ABCD2: variants seen among roughly 807,000 people sequenced by gnomAD.
ABCD2 encodes the protein ATP binding cassette subfamily D member 2.
In ABCD2, 36 loss-of-function variants were observed where a neutral mutation model predicts 70.9. The ratio of observed to expected loss-of-function variants is 0.51; its 90% confidence interval spans 0.39 to 0.67. The LOEUF (loss-of-function observed/expected upper bound fraction) is 0.67, where lower values mean the gene tolerates loss of function less well. Ranked by LOEUF, ABCD2 falls within the 30% of genes least tolerant of loss-of-function variation. The pLI is 0.00. For synonymous variants in ABCD2, 304 were observed against 306.9 expected (o/e 0.99, Z 0.10); for missense variants, 729 against 890.2 (o/e 0.82, Z 2.30).
chr12:39,539,318 C>T, the ABCD2 span, among the ~76,000 whole-genome samples: 1 of 152,180 alleles, frequency 6.6e-6, no homozygotes, highest in African/African-American at 2.4e-5. Flanking sequence ...TTGGCAGGAG[C>T]TTTTGCCAGG....
rs1282925824 is a variant in ABCD2, at chr12:39,604,751, G to T, written c.1405+11C>A. On this transcript the variant is annotated intron_variant, in intron 4 of 9. Coordinates refer to ENST00000308666, the MANE Select transcript of ABCD2 (RefSeq NM_005164.4). ...AATATAGGAAAATATAAAAGCACTT[G>T]AGTTTAATACCTTTAATTGCCAATG... 1.3e-6 allele frequency: 2 copies of T among 1,552,586 alleles called. No homozygotes were observed. The highest frequency in any genetic ancestry group is 1.7e-6 in the Non-Finnish European group (2 of 1,154,844).
rs527401655 is a variant in ABCD2, at chr12:39,564,141, C to T, written c.2003+9575G>A. ...GATTTATAATCCTTTGTGTATATAC[C>T]CAGTAATGGGATGGCTGGGTCAAAT... On this transcript the variant is annotated intron_variant, in intron 9 of 9. Coordinates refer to ENST00000308666, the MANE Select transcript of ABCD2 (RefSeq NM_005164.4). Among the ~76,000 whole-genome samples the T allele has an allele frequency of 6.6e-5, 10 of 152,098 alleles. No homozygotes were observed. The South Asian group carries it at 8.3e-4, about 13-fold the overall frequency.
intron 9 of ABCD2, among the ~76,000 whole-genome samples, chr12:39,560,590 G>A (rs922832619): frequency 9.2e-5 from 14 of 152,082 alleles, no homozygotes; most frequent in South Asian, 6.2e-4. Flanking sequence ...GAGATGAAGG[G>A]TAAAGGTTGT....
chr12:39,566,088 C>G (rs1346609167), intron 9 of ABCD2, among the ~76,000 whole-genome samples: 2 of 152,054 alleles, frequency 1.3e-5, no homozygotes, highest in Non-Finnish European at 2.9e-5. Context: ...GTCTAAAATT[C>G]TCTTTTTTTG....
chr12:39,537,019 C>T, the ABCD2 span, among the ~76,000 whole-genome samples: 9 of 152,042 alleles, frequency 5.9e-5, no homozygotes, highest in South Asian at 2.1e-4. Context: ...TGCTTCAGGC[C>T]GCTCTCTCTT....
In ABCD2 at chr12:39,604,724, TA is replaced by T. The variant is rs779592226; in HGVS notation, c.1405+37del. ...AACTTTGGTTCTGTTGATAAATACTTAAATATAGGAAAATATAAAAGCACTT... is the reference window on the plus strand; with the variant it reads ...AACTTTGGTTCTGTTGATAAATACTTAATATAGGAAAATATAAAAGCACTT... On this transcript the variant is annotated intron_variant, in intron 4 of 9. Coordinates refer to ENST00000308666, the MANE Select transcript of ABCD2 (RefSeq NM_005164.4). The T allele has an allele frequency of 8.8e-6, 13 of 1,476,924 alleles. No individual in the cohort carries two copies. In the African/African-American group the frequency reaches 1.6e-4, roughly 18 times the overall value. The allele number at this position is 1,476,924 out of a possible 1,614,324, so 91.5% of individuals were successfully genotyped here. A position where few individuals can be genotyped will look rare whatever the true frequency, so the allele number is the denominator to read the frequency against.
Position 39,553,457 on chromosome 12 carries a change from A to G in ABCD2, c.*455T>C, listed in dbSNP as rs1488625783. ...TTTAGTTGGCCACTAGCAATAATCA[A>G]TTTGAATTCTAGCTATTAAACCTAA... On this transcript the variant is annotated 3_prime_UTR_variant, in exon 10 of 10. Coordinates refer to ENST00000308666, the MANE Select transcript of ABCD2 (RefSeq NM_005164.4). 1 of 152,792 alleles carries G rather than the reference A, an allele frequency of 6.5e-6. No individual in the cohort carries two copies. Among genetic ancestry groups the G allele is most frequent in the South Asian group, 2.1e-4 (1 of 4,848 alleles). The allele number at this position is 152,792 out of a possible 1,614,324, so 9.5% of individuals were successfully genotyped here. A position where few individuals can be genotyped will look rare whatever the true frequency, so the allele number is the denominator to read the frequency against.
At chr12:39,554,256 T>C (rs1285683644) in intron 9 of ABCD2, 125 bp from the exon 10 acceptor site, 2 of 868,920 alleles carry the variant, frequency 2.3e-6, no homozygotes, top group Admixed American at 3.2e-5. Flanking sequence ...ACATTTGAGT[T>C]TTAAGGACAT....
At chr12:39,534,639 CAGAA>C in the ABCD2 span, among the ~76,000 whole-genome samples, 1 of 137,944 alleles carries the variant, frequency 7.2e-6, no homozygotes, top group South Asian at 2.3e-4. Context: ...CAGGGAGACC[CAGAA>C]AGAAAGAAAG....
At chr12:39,566,697 C>T (rs1360097398) in intron 9 of ABCD2, among the ~76,000 whole-genome samples, 8 of 151,820 alleles carry the variant, frequency 5.3e-5, no homozygotes, top group African/African-American at 9.7e-5. Flanking sequence ...TGCTCTTGCT[C>T]CTCTATTTCT....
intron 7 of ABCD2, among the ~76,000 whole-genome samples, chr12:39,580,410 G>A (rs1393119474): frequency 6.6e-6 from 1 of 152,104 alleles, no homozygotes; most frequent in African/African-American, 2.4e-5. Flanking sequence ...CTTACAAATA[G>A]AGTAGGTCTT....
chr12:39,532,416 T>G, the ABCD2 span, among the ~76,000 whole-genome samples: 4 of 152,164 alleles, frequency 2.6e-5, no homozygotes, highest in African/African-American at 9.6e-5. Context: ...AATAATTGGG[T>G]TCTATTTTTT....
chr12:39,606,326 G>T (rs573590857), intron 3 of ABCD2, among the ~76,000 whole-genome samples: 81 of 152,306 alleles, frequency 5.3e-4, no homozygotes, highest in African/African-American at 1.5e-3. Context: ...TGCTAGCAGA[G>T]AAGGCATGGT....
chr12:39,536,767 C>A, the ABCD2 span, among the ~76,000 whole-genome samples: 1 of 152,136 alleles, frequency 6.6e-6, no homozygotes, highest in Admixed American at 6.6e-5. Flanking sequence ...TCATTTTATA[C>A]CCCTGTGTTC....
chr12:39,533,614 C>T, the ABCD2 span, among the ~76,000 whole-genome samples: 5 of 152,238 alleles, frequency 3.3e-5, no homozygotes, highest in East Asian at 7.7e-4. Context: ...GTGAGATCTA[C>T]CTTGTGGAAA....
At chr12:39,566,814 A>G (rs755624862) in intron 9 of ABCD2, among the ~76,000 whole-genome samples, 21 of 152,206 alleles carry the variant, frequency 1.4e-4, no homozygotes, top group Non-Finnish European at 1.5e-4. Context: ...GTGTCCCAGA[A>G]ATTCTGGTAC....
chr12:39,596,983 AT>A (rs1273046595), intron 6 of ABCD2, among the ~76,000 whole-genome samples: 1 of 152,110 alleles, frequency 6.6e-6, no homozygotes, highest in Non-Finnish European at 1.5e-5. Context: ...TTTTGTTTGT[AT>A]GATTTTTTAT....
chr12:39,534,079 A>C, the ABCD2 span, among the ~76,000 whole-genome samples: 1 of 152,046 alleles, frequency 6.6e-6, no homozygotes, highest in African/African-American at 2.4e-5. Context: ...CTAATGCATT[A>C]TGTTAGCAGC....
At position 39,553,035 on chromosome 12, in the gene ABCD2, T is replaced by A. The variant is rs1941110531; in HGVS notation, c.*877A>T. The A allele has an allele frequency of 1.3e-5, 2 of 152,054 alleles. No homozygotes were observed. The highest frequency in any genetic ancestry group is 1.3e-4 in the Admixed American group (2 of 15,256). 9.4% of individuals were successfully genotyped at this position (152,054 alleles called of 1,614,324 possible). On this transcript the variant is annotated 3_prime_UTR_variant, in exon 10 of 10. Coordinates refer to ENST00000308666, the MANE Select transcript of ABCD2 (RefSeq NM_005164.4). ...TAAATTATAAAGTACTATTCCAATG[T>A]ATGTTATTACTATGATTCTCAGAAT... is the stretch of plus-strand genomic sequence containing the variant.
Sources: gnomAD v4.1 joint callset for allele counts (sites outside exome capture counted in the v4.1 genomes callset) on GRCh38, gnomAD v4.1.1 for gene constraint, MANE v1.5 for transcripts, NCBI Gene and HGNC (gene_info 2026-07-23, HGNC 2026-07-21) for gene names.